Variants in DOCK10 observed in about 807,000 individuals in gnomAD.
The protein encoded by DOCK10 is dedicator of cytokinesis 10, also known as dedicator of cytokinesis protein 10.
In DOCK10, 145 loss-of-function variants were observed where a neutral mutation model predicts 280.1. The observed-to-expected ratio is 0.52, with a 90% CI of 0.45 to 0.59. DOCK10 has a LOEUF of 0.59. Among genes scored for constraint, DOCK10 ranks in the 20% least tolerant of loss-of-function variants. DOCK10 has a pLI of 0.00. For missense variants in DOCK10, 2,368 were observed against 2,651.7 expected, an observed-to-expected ratio of 0.89 and a Z score of 2.35; for synonymous variants, 915 against 942.2, an observed-to-expected ratio of 0.97 and a Z score of 0.53.
In DOCK10 at chr2:224,874,139, G is replaced by T; in HGVS notation, c.1114C>A (p.Gln372Lys). ...LDPDIDTLKL[Q>K]KKDLLEPESV... ...TCAGGTTCCAAGAGATCTTTTTTTTGAAGTTTCAAGGTCTAAAAAAGTTTT... is the reference window on the plus strand; with the variant it reads ...TCAGGTTCCAAGAGATCTTTTTTTTTAAGTTTCAAGGTCTAAAAAAGTTTT... The change falls in exon 11 of 56, where the codon CAA becomes AAA. Residue 372 changes from glutamine to lysine, a missense_variant. Physicochemically the swap from Gln to Lys is moderately conservative, Grantham distance 53. Around this residue, in one of 2 missense-constraint regions of DOCK10, gnomAD observed 1,209 missense variants for 1,250.9 expected, o/e 0.97. Coordinates refer to ENST00000258390, the MANE Select transcript of DOCK10 (RefSeq NM_014689.3). 6.3e-7 allele frequency: 1 copy of T among 1,590,020 alleles called. No homozygotes were observed. The highest frequency in any genetic ancestry group is 8.6e-7 in the Non-Finnish European group (1 of 1,168,802).
chr2:224,905,470 C>T (rs1700567769), intron 3 of DOCK10, among the ~76,000 whole-genome samples: 1 of 151,326 alleles, frequency 6.6e-6, no homozygotes, highest in African/African-American at 2.4e-5. Context: ...AGGATGGTCT[C>T]GATCTCCTGA....
intron 27 of DOCK10, among the ~76,000 whole-genome samples, chr2:224,830,276 A>C (rs1423670396): frequency 6.6e-6 from 1 of 151,884 alleles, no homozygotes; most frequent in Non-Finnish European, 1.5e-5. Flanking sequence ...AGACTTTCCC[A>C]TTTCTTTTTC....
At chr2:224,886,328 T>C (rs1387256230) in intron 5 of DOCK10, 131 bp downstream of exon 5, 1 of 1,479,304 alleles carries the variant, frequency 6.8e-7, no homozygotes, top group African/African-American at 1.4e-5. Context: ...GTGACTCATT[T>C]TGACTAAAAG....
intron 3 of DOCK10, among the ~76,000 whole-genome samples, chr2:224,909,606 A>C (rs1337386323): frequency 6.6e-6 from 1 of 152,170 alleles, no homozygotes; most frequent in Non-Finnish European, 1.5e-5. Flanking sequence ...AGAACATGGA[A>C]TATTATGTCA....
chr2:224,798,350 G>T (rs1465917638), intron 41 of DOCK10, among the ~76,000 whole-genome samples: 2 of 152,276 alleles, frequency 1.3e-5, no homozygotes, highest in African/African-American at 4.8e-5. Flanking sequence ...GATTTGGAAA[G>T]GAGCTTATGA....
At chr2:224,769,506 C>T (rs779255810) in intron 55 of DOCK10, among the ~76,000 whole-genome samples, 72 of 152,160 alleles carry the variant, frequency 4.7e-4, no homozygotes, top group Non-Finnish European at 9.0e-4. Context: ...GAGGGGAGCA[C>T]GGGTGATGAG....
At chr2:224,871,401 A>T (rs867626979) in intron 11 of DOCK10, among the ~76,000 whole-genome samples, 1 of 151,906 alleles carries the variant, frequency 6.6e-6, no homozygotes, top group African/African-American at 2.4e-5. Flanking sequence ...CAATCCACCC[A>T]TTTCTCTCCT....
intron 1 of DOCK10, among the ~76,000 whole-genome samples, chr2:225,017,943 C>A (rs1015135695): frequency 1.3e-5 from 2 of 152,176 alleles, no homozygotes; most frequent in African/African-American, 2.4e-5. Flanking sequence ...ACAGAGGCCA[C>A]TGTCTGGTTG....
intron 24 of DOCK10, among the ~76,000 whole-genome samples, chr2:224,839,612 C>A (rs186308515): frequency 1.3e-5 from 2 of 152,298 alleles, no homozygotes; most frequent in Non-Finnish European, 2.9e-5. Context: ...AAACATTTAC[C>A]TACTGTATGA....
At chr2:224,979,227 G>A (rs1177341963) in intron 1 of DOCK10, among the ~76,000 whole-genome samples, 4 of 152,122 alleles carry the variant, frequency 2.6e-5, no homozygotes, top group African/African-American at 2.4e-5. Context: ...TAAGCAATTT[G>A]CACCTATTAA....
intron 11 of DOCK10, among the ~76,000 whole-genome samples, chr2:224,870,200 C>A (rs563610660): frequency 6.6e-6 from 1 of 152,206 alleles, no homozygotes; most frequent in African/African-American, 2.4e-5. Context: ...CCCTTTGCTG[C>A]CGCCATGTGA....
chr2:224,814,381 T>A lies in DOCK10; in HGVS notation c.3365-17A>T. 1 of 1,483,780 alleles carries A rather than the reference T, an allele frequency of 6.7e-7. No individual in the cohort carries two copies. The highest frequency in any genetic ancestry group is 9.1e-7 in the Non-Finnish European group (1 of 1,100,834). The allele number at this position is 1,483,780 out of a possible 1,614,324, so 91.9% of individuals were successfully genotyped here. A position where few individuals can be genotyped will look rare whatever the true frequency, so the allele number is the denominator to read the frequency against. ...TCAAAGGATCTGAATTTAATATAAA[T>A]AAAAAGTTCAGATATATACATATAC... On this transcript the variant is annotated splice_polypyrimidine_tract_variant and intron_variant, in intron 30 of 55. Transcript: ENST00000258390.
intron 1 of DOCK10, among the ~76,000 whole-genome samples, chr2:225,003,288 T>C (rs920641788): frequency 1.3e-5 from 2 of 152,130 alleles, no homozygotes; most frequent in Non-Finnish European, 2.9e-5. Flanking sequence ...CAAGTATGCA[T>C]CTGCCTCGGC....
At chr2:224,998,051 T>C (rs1186466817) in intron 1 of DOCK10, among the ~76,000 whole-genome samples, 1 of 152,188 alleles carries the variant, frequency 6.6e-6, no homozygotes, top group Non-Finnish European at 1.5e-5. Flanking sequence ...TGTGATGTTC[T>C]GTACCCTCAG....
rs1280699036 is a variant in DOCK10, at chr2:224,844,743, A to G, written c.2568+10T>C. The G allele has an allele frequency of 3.9e-6, 6 of 1,555,954 alleles. No homozygotes were observed. On this transcript the variant is annotated intron_variant, in intron 22 of 55. Coordinates refer to ENST00000258390, the MANE Select transcript of DOCK10 (RefSeq NM_014689.3). ...GAGAAGATGCTAGTATTTCAGGTCAACATACTCACCTGAGTATTTACTGTT... is the reference window on the plus strand; with the variant it reads ...GAGAAGATGCTAGTATTTCAGGTCAGCATACTCACCTGAGTATTTACTGTT...
chr2:224,782,098 A>G (rs1426254706), intron 50 of DOCK10, among the ~76,000 whole-genome samples: 1 of 152,140 alleles, frequency 6.6e-6, no homozygotes, highest in East Asian at 1.9e-4. Flanking sequence ...TAGCATATAA[A>G]TCTGAACTCA....
chr2:224,915,868 T>C (rs1473725389), intron 3 of DOCK10, among the ~76,000 whole-genome samples: 4 of 152,262 alleles, frequency 2.6e-5, no homozygotes, highest in African/African-American at 7.2e-5. Flanking sequence ...AGCTGTTTTG[T>C]AGGCCTCTTA....
intron 51 of DOCK10, 105 bp downstream of exon 51, chr2:224,778,033 T>G: frequency 8.4e-7 from 1 of 1,196,272 alleles, no homozygotes; most frequent in Non-Finnish European, 1.2e-6. Flanking sequence ...ATCGTTTTTG[T>G]AGTTTACTTT....
intron 1 of DOCK10, among the ~76,000 whole-genome samples, chr2:225,028,016 T>G (rs1407409976): frequency 1.3e-5 from 2 of 152,216 alleles, no homozygotes; most frequent in Non-Finnish European, 2.9e-5. Context: ...GTCCTTTTAA[T>G]CTTTTAATGC....
Sources: gnomAD v4.1 joint callset for allele counts (sites outside exome capture counted in the v4.1 genomes callset) on GRCh38, gnomAD v4.1.1 for gene constraint, gnomAD v4.1.1 regional missense constraint, MANE v1.5 for transcripts, NCBI Gene and HGNC (gene_info 2026-07-23, HGNC 2026-07-21) for gene names.